Variants in LEO1 observed in about 807,000 individuals in gnomAD.
LEO1 encodes RNA polymerase-associated protein LEO1.
A neutral mutation model predicts 80.4 loss-of-function variants in LEO1; 34 were observed. That is an observed-to-expected ratio of 0.42 (90% CI 0.32 to 0.56). The LOEUF is 0.56. Among genes scored for constraint, LEO1 ranks in the 20% least tolerant of loss-of-function variants. The pLI is 0.10. For synonymous variants in LEO1, 262 were observed against 274.9 expected (o/e 0.95, Z 0.46); for missense variants, 631 against 814.2 (o/e 0.77, Z 2.74).
intron 1 of LEO1, among the ~76,000 whole-genome samples, chr15:51,971,397 C>G (rs1379883717): frequency 6.6e-6 from 1 of 152,238 alleles, no homozygotes; most frequent in Non-Finnish European, 1.5e-5. Flanking sequence ...ACGTTCCTAC[C>G]CGCGCTGCGC....
At chr15:51,969,854 A>G (rs866076202) in intron 1 of LEO1, among the ~76,000 whole-genome samples, 11 of 151,856 alleles carry the variant, frequency 7.2e-5, no homozygotes, top group Middle Eastern at 3.4e-3. Context: ...AAAAAAAAAA[A>G]AAAAAAAAGA....
chr15:51,958,738 G>A lies in LEO1; in HGVS notation c.1245+4C>T, dbSNP rs1257961743. The stretch of plus-strand genomic sequence containing the variant: ...AAAAAAAAGGAAAAAGCATGAAATG[G>A]TACCTTTAATTTTAACCTGGTTCTA... On this transcript the variant is annotated splice_donor_region_variant and intron_variant, in intron 6 of 11. Coordinates refer to ENST00000299601, the MANE Select transcript of LEO1 (RefSeq NM_138792.4). 2 of 1,546,474 alleles carry A rather than the reference G, an allele frequency of 1.3e-6. No individual in the cohort carries two copies. Among genetic ancestry groups the A allele is most frequent in the Non-Finnish European group, 1.8e-6 (2 of 1,130,650 alleles).
At chr15:51,939,338 G>T (rs2056828299) in intron 11 of LEO1, among the ~76,000 whole-genome samples, 1 of 152,116 alleles carries the variant, frequency 6.6e-6, no homozygotes, top group Admixed American at 6.5e-5. Flanking sequence ...TTTTCTGATG[G>T]TTCTCATGGC....
intron 1 of LEO1, 74 bp downstream of exon 1, chr15:51,971,614 A>C (rs561062795): frequency 1.3e-6 from 2 of 1,485,578 alleles, no homozygotes; most frequent in South Asian, 2.3e-5. Context: ...GCGGCGCTGG[A>C]GCCTCCACGG....
chr15:51,940,793 A>T lies in LEO1; in HGVS notation c.1897-2533T>A, dbSNP rs182017771. On this transcript the variant is annotated intron_variant, in intron 11 of 11. Coordinates refer to ENST00000299601, the MANE Select transcript of LEO1 (RefSeq NM_138792.4). ...AAAATTATAATTGCTACAAAAAAAA[A>T]TTTTTAATAAAATAAATAATAAGGC... 4.9e-3 allele frequency among the ~76,000 whole-genome samples: 739 copies of T among 151,692 alleles called. 13 individuals are homozygous for T. The highest frequency in any genetic ancestry group is 0.016 in the Admixed American group (251 of 15,228).
chr15:51,960,389 G>A (rs1303252738), intron 4 of LEO1, among the ~76,000 whole-genome samples: 1 of 152,154 alleles, frequency 6.6e-6, no homozygotes. Flanking sequence ...AAACATTCAA[G>A]TCAATGGTTC....
intron 2 of LEO1, among the ~76,000 whole-genome samples, chr15:51,963,503 A>T (rs150119627): frequency 1.5e-3 from 236 of 152,260 alleles, no homozygotes; most frequent in African/African-American, 5.5e-3. Context: ...AAGCAGAATG[A>T]CCAGCTACAA....
Position 51,938,262 on chromosome 15 carries a change from TA to T in LEO1, c.1897-3del. On this transcript the variant is annotated splice_polypyrimidine_tract_variant and splice_region_variant and intron_variant, in intron 11 of 11. Coordinates refer to ENST00000299601, the MANE Select transcript of LEO1 (RefSeq NM_138792.4). The stretch of plus-strand genomic sequence containing the variant: ...TCTCTTTCCGGAAGGTTCACCTTCC[TA>T]AACAGATACAATTTTTACAAATCTA... 6.6e-7 allele frequency: 1 copy of T among 1,526,474 alleles called. No individual in the cohort carries two copies. Among genetic ancestry groups the T allele is most frequent in the Non-Finnish European group, 9.0e-7 (1 of 1,112,480 alleles). The allele number at this position is 1,526,474 out of a possible 1,614,324, so 94.6% of individuals were successfully genotyped here.
At chr15:51,947,765 T>A (rs1422997031) in intron 10 of LEO1, among the ~76,000 whole-genome samples, 1 of 152,238 alleles carries the variant, frequency 6.6e-6, no homozygotes, top group Non-Finnish European at 1.5e-5. Flanking sequence ...CATTCTTAAA[T>A]GTTTTCTTCT....
At chr15:51,965,048 T>G (rs146095246) in intron 2 of LEO1, among the ~76,000 whole-genome samples, 1 of 152,154 alleles carries the variant, frequency 6.6e-6, no homozygotes, top group African/African-American at 2.4e-5. Context: ...TCAGTAACAC[T>G]GTCCATTGAG....
In LEO1 at chr15:51,949,936, C is replaced by T. The variant is rs373773896; in HGVS notation, c.1670G>A (p.Arg557Lys). Residue 557 changes from arginine (R) to lysine (K), a missense_variant, in exon 10 of 12, where the codon AGA becomes AAA. Arg to Lys is a conservative substitution (Grantham distance 26). Transcript: ENST00000299601. Reference sequence around the variant, plus strand: ...CAGCCCCCGCTGGTGCTGTTTCTCTCTCATTCGGCGCTGCTGAGATTCCCT... The same window carrying T: ...CAGCCCCCGCTGGTGCTGTTTCTCTTTCATTCGGCGCTGCTGAGATTCCCT... ...IRRESQQRRM[R>K]EKQHQRGLSA... 6 of 1,613,918 alleles carry T rather than the reference C, an allele frequency of 3.7e-6. No individual in the cohort carries two copies. Among genetic ancestry groups the T allele is most frequent in the South Asian group, 1.1e-5 (1 of 91,074 alleles).
At chr15:51,939,553 C>G (rs959345672) in intron 11 of LEO1, among the ~76,000 whole-genome samples, 1 of 152,132 alleles carries the variant, frequency 6.6e-6, no homozygotes, top group Non-Finnish European at 1.5e-5. Flanking sequence ...AAAGATGGAC[C>G]CTGCCCCCAA....
At chr15:51,945,017 C>A (rs757426052) in intron 11 of LEO1, among the ~76,000 whole-genome samples, 1 of 152,112 alleles carries the variant, frequency 6.6e-6, no homozygotes, top group Admixed American at 6.5e-5. Flanking sequence ...TTCACAGGCA[C>A]AATCAACATA....
chr15:51,956,503 T>G (rs1467597120), intron 6 of LEO1, among the ~76,000 whole-genome samples: 2 of 151,074 alleles, frequency 1.3e-5, no homozygotes, highest in Non-Finnish European at 2.9e-5. Context: ...TTATATAAAG[T>G]GATTCAAATA....
rs1483640619 is a variant in LEO1, at chr15:51,949,925, G to A, written c.1681C>T (p.His561Tyr). Reference protein sequence around the residue: ...SQQRRMREKQHQRGLSASYLE... With the variant: ...SQQRRMREKQYQRGLSASYLE... ...TAACTGGCGCTCAGCCCCCGCTGGT[G>A]CTGTTTCTCTCTCATTCGGCGCTGC... Residue 561 changes from histidine to tyrosine, a missense_variant, in exon 10 of 12, where the codon CAC becomes TAC. Around this residue, in one of 4 missense-constraint regions of LEO1, gnomAD observed 117 missense variants for 163.5 expected, o/e 0.72. Coordinates refer to ENST00000299601, the MANE Select transcript of LEO1 (RefSeq NM_138792.4). The A allele has an allele frequency of 6.2e-7, 1 of 1,614,026 alleles. No homozygotes were observed. The highest frequency in any genetic ancestry group is 8.5e-7 in the Non-Finnish European group (1 of 1,180,020).
intron 6 of LEO1, among the ~76,000 whole-genome samples, chr15:51,956,809 G>T (rs2056992969): frequency 6.6e-6 from 1 of 152,050 alleles, no homozygotes; most frequent in African/African-American, 2.4e-5. Flanking sequence ...AAATTTTAGG[G>T]TAAAATACAT....
intron 8 of LEO1, 149 bp from the exon 9 acceptor site, chr15:51,952,128 G>A: frequency 3.8e-6 from 2 of 533,198 alleles, no homozygotes; most frequent in Non-Finnish European, 6.4e-6. Flanking sequence ...ATACCAAGGT[G>A]GAAGATTGTG....
intron 1 of LEO1, among the ~76,000 whole-genome samples, chr15:51,971,262 C>A (rs1233221816): frequency 6.6e-6 from 1 of 152,208 alleles, no homozygotes; most frequent in African/African-American, 2.4e-5. Context: ...TCATTCAAGA[C>A]GGCATTCTGA....
intron 7 of LEO1, 80 bp from the exon 8 acceptor site, chr15:51,953,343 C>A: frequency 1.3e-6 from 2 of 1,489,642 alleles, no homozygotes; most frequent in Non-Finnish European, 1.8e-6. Flanking sequence ...GTGATTCAGG[C>A]TGGGCACAGT....
Sources: gnomAD v4.1 joint callset for allele counts (sites outside exome capture counted in the v4.1 genomes callset) on GRCh38, gnomAD v4.1.1 for gene constraint, gnomAD v4.1.1 regional missense constraint, MANE v1.5 for transcripts, NCBI Gene and HGNC (gene_info 2026-07-23, HGNC 2026-07-21) for gene names.